MFAP2: variants seen among roughly 807,000 people sequenced by gnomAD.
The protein encoded by MFAP2 is microfibrillar-associated protein 2.
In MFAP2, 23 loss-of-function variants were observed where a neutral mutation model predicts 30.6. The ratio of observed to expected loss-of-function variants is 0.75; its 90% confidence interval spans 0.54 to 1.07. The LOEUF (loss-of-function observed/expected upper bound fraction) is 1.07, where lower values mean the gene tolerates loss of function less well. Among genes scored for constraint, MFAP2 ranks in the 50% least tolerant of loss-of-function variants. The pLI is 0.00. For missense variants in MFAP2, 198 were observed against 223.8 expected, an observed-to-expected ratio of 0.88 and a Z score of 0.74; for synonymous variants, 73 against 85.7, an observed-to-expected ratio of 0.85 and a Z score of 0.82.
chr1:16,975,536 T>G lies in MFAP2; in HGVS notation c.374+107A>C. On this transcript the variant is annotated intron_variant, in intron 7 of 8. Transcript: ENST00000375535. This position sits in a 1 kb window ranked among gnomAD's most constrained non-coding sequence, Gnocchi z 5.0. ...ACAGAACTGAGCTCAACTTAAGGAC[T>G]CACTATCTTTCCTCCAACTCCCACC... 1 of 1,290,674 alleles carries G rather than the reference T, an allele frequency of 7.7e-7. No individual in the cohort carries two copies. The highest frequency in any genetic ancestry group is 1.1e-6 in the Non-Finnish European group (1 of 903,722). 80.0% of individuals were successfully genotyped at this position (1,290,674 alleles called of 1,614,324 possible). A position where few individuals can be genotyped will look rare whatever the true frequency, so the allele number is the denominator to read the frequency against.
chr1:16,979,756 T>C (rs1390323452), intron 1 of MFAP2, among the ~76,000 whole-genome samples: 1 of 152,190 alleles, frequency 6.6e-6, no homozygotes, highest in Non-Finnish European at 1.5e-5. Context: ...GGGGGATGCC[T>C]GTCGGTACCC....
chr1:16,977,156 G>A lies in MFAP2; in HGVS notation c.80C>T (p.Pro27Leu), dbSNP rs200285694. 78 of 1,613,438 alleles carry A rather than the reference G, an allele frequency of 4.8e-5. No homozygotes were observed. Among genetic ancestry groups the A allele is most frequent in the Non-Finnish European group, 5.8e-5 (69 of 1,179,934 alleles). Residue 27 changes from proline (P) to leucine (L), a missense_variant, in exon 3 of 9, where the codon CCG becomes CTG. Pro to Leu is a moderately conservative substitution (Grantham distance 98). Coordinates refer to ENST00000375535, the MANE Select transcript of MFAP2 (RefSeq NM_002403.4). ...AQGQYDLDPL[P>L]PFPDHVQYTH... ...GTACTGGACGTGGTCAGGGAACGGC[G>A]GCAGCGGGTCCAGGTCATACTGGCC...
intron 1 of MFAP2, among the ~76,000 whole-genome samples, chr1:16,979,882 C>T (rs537489746): frequency 5.3e-5 from 8 of 152,188 alleles, no homozygotes; most frequent in Non-Finnish European, 1.0e-4. Flanking sequence ...AGTTCATGAA[C>T]TCCTCCCACG....
intron 1 of MFAP2, among the ~76,000 whole-genome samples, chr1:16,979,719 T>C (rs370735451): frequency 4.5e-4 from 68 of 152,318 alleles, no homozygotes; most frequent in African/African-American, 1.3e-3. Flanking sequence ...AGGCGCTGAA[T>C]TGGGGCAAGA....
At chr1:16,978,373 A>C in intron 1 of MFAP2, 59 bp from the exon 2 acceptor site, 10 of 1,377,922 alleles carry the variant, frequency 7.3e-6, no homozygotes, top group African/African-American at 1.4e-5. Flanking sequence ...AGCAGAGCTC[A>C]CCTTTGATCC....
intron 1 of MFAP2, among the ~76,000 whole-genome samples, chr1:16,980,032 C>CT (rs1273058804): frequency 6.6e-6 from 1 of 151,986 alleles, no homozygotes; most frequent in Non-Finnish European, 1.5e-5. Flanking sequence ...CCCCTGCGTC[C>CT]TGGGAGGTGG....
chr1:16,974,980 G>A lies in MFAP2; in HGVS notation c.492C>T (p.Ala164=), dbSNP rs1294790674. The change falls in exon 9 of 9, where the codon GCC becomes GCT. Residue 164 remains alanine (A), a synonymous_variant. Transcript: ENST00000375535. The stretch of plus-strand genomic sequence containing the variant: ...CCACGGATTGGCACAGGCCGCTGCT[G>A]GCCATCACGCCACATTTGGAGAACT... ...RDKFSKCGVM[A]SSGLCQSVAA... 2 of 1,064,348 alleles carry A rather than the reference G, an allele frequency of 1.9e-6. No homozygotes were observed. The highest frequency in any genetic ancestry group is 2.6e-5 in the East Asian group (1 of 38,344). The allele number at this position is 1,064,348 out of a possible 1,614,324, so 65.9% of individuals were successfully genotyped here.
intron 1 of MFAP2, chr1:16,978,992 T>C (rs1000159405): frequency 5.9e-5 from 9 of 152,192 alleles, no homozygotes; most frequent in African/African-American, 2.2e-4. Flanking sequence ...CCCGGGCTAT[T>C]TGCAGCAGCA....
Position 16,975,334 on chromosome 1 carries a change from C to A in MFAP2, c.383G>T (p.Arg128Leu). 1 of 1,613,836 alleles carries A rather than the reference C, an allele frequency of 6.2e-7. No individual in the cohort carries two copies. Among genetic ancestry groups the A allele is most frequent in the Non-Finnish European group, 8.5e-7 (1 of 1,179,858 alleles). ...GATCTCCTTGTTAATGACGTACACACGGCGGAGGCTGCGGGGACAGGGCAC... is the reference window on the plus strand; with the variant it reads ...GATCTCCTTGTTAATGACGTACACAAGGCGGAGGCTGCGGGGACAGGGCAC... The part of the protein sequence containing the change: ...LNEVCFYSLR[R>L]VYVINKEICV... The change falls in exon 8 of 9, where the codon CGT (arginine) becomes CTT (leucine). Residue 128 changes from arginine (R) to leucine (L), a missense_variant. By Grantham distance (102) the Arg-to-Leu change is moderately radical. Coordinates refer to ENST00000375535, the MANE Select transcript of MFAP2 (RefSeq NM_002403.4). This position sits in a 1 kb window ranked among gnomAD's most constrained non-coding sequence, Gnocchi z 5.0.
intron 1 of MFAP2, among the ~76,000 whole-genome samples, chr1:16,979,892 G>T (rs1424344588): frequency 6.6e-6 from 1 of 152,178 alleles, no homozygotes; most frequent in Non-Finnish European, 1.5e-5. Flanking sequence ...CTCCTCCCAC[G>T]GGACCACATC....
At chr1:16,979,630 G>A (rs1038530801) in intron 1 of MFAP2, among the ~76,000 whole-genome samples, 2 of 152,200 alleles carry the variant, frequency 1.3e-5, no homozygotes, top group Non-Finnish European at 2.9e-5. Context: ...TCATGGGAGG[G>A]GGATGAAAAG....
In MFAP2 at chr1:16,976,247, C is replaced by G; in HGVS notation, c.286+254G>C. The G allele has an allele frequency of 1.7e-6, 1 of 595,316 alleles. No individual in the cohort carries two copies. The highest frequency in any genetic ancestry group is 2.8e-5 in the East Asian group (1 of 35,758). 36.9% of individuals were successfully genotyped at this position (595,316 alleles called of 1,614,324 possible). A position where few individuals can be genotyped will look rare whatever the true frequency, so the allele number is the denominator to read the frequency against. On this transcript the variant is annotated intron_variant, in intron 6 of 8. Transcript: ENST00000375535. This position sits in a 1 kb window ranked among gnomAD's most constrained non-coding sequence, Gnocchi z 5.5. ...AGCCCCCAGCACACTCCCTGCCCCT[C>G]CCAGTATCTGTGAGGTCAGGGGCCT... is the stretch of plus-strand genomic sequence containing the variant.
chr1:16,976,884 C>A lies in MFAP2; in HGVS notation c.154+13G>T, dbSNP rs765136428. ...AGCTGCCGGCCCGTCCTATCCTACCCCTAGCCCGTTACCTTGATAATCATA... is the reference window on the plus strand; with the variant it reads ...AGCTGCCGGCCCGTCCTATCCTACCACTAGCCCGTTACCTTGATAATCATA... On this transcript the variant is annotated intron_variant, in intron 4 of 8. Transcript: ENST00000375535. The surrounding 1 kb of genome is among the most constrained non-coding windows in gnomAD (Gnocchi z 5.5). The A allele has an allele frequency of 3.0e-5, 48 of 1,614,142 alleles. 1 individual carries two copies. In the South Asian group the frequency reaches 4.4e-4, roughly 15 times the overall value.
rs556527320 is a variant in MFAP2, at chr1:16,975,825, G to A, written c.287-95C>T. The A allele has an allele frequency of 1.5e-4, 154 of 1,012,116 alleles. No homozygotes were observed. In the African/African-American group the frequency reaches 2.3e-3, roughly 15 times the overall value. The allele number at this position is 1,012,116 out of a possible 1,614,324, so 62.7% of individuals were successfully genotyped here. On this transcript the variant is annotated intron_variant, in intron 6 of 8. Coordinates refer to ENST00000375535, the MANE Select transcript of MFAP2 (RefSeq NM_002403.4). The surrounding 1 kb of genome is among the most constrained non-coding windows in gnomAD (Gnocchi z 5.0). ...TGGCTCACAGGGCCTAGTCCCCCCT[G>A]TACCTTCAGGCCCCGTGCAGACACC...
chr1:16,978,289 G>A lies in MFAP2; in HGVS notation c.-16C>T. The stretch of plus-strand genomic sequence containing the variant: ...CAGCTCTCATGGCAACAAAGAGGCA[G>A]GCCGGGGTGGTGTCAGAGAGGACAG... On this transcript the variant is annotated 5_prime_UTR_variant, in exon 2 of 9. Coordinates refer to ENST00000375535, the MANE Select transcript of MFAP2 (RefSeq NM_002403.4). The A allele has an allele frequency of 6.4e-7, 1 of 1,572,698 alleles. No individual in the cohort carries two copies. The highest frequency in any genetic ancestry group is 1.9e-5 in the Admixed American group (1 of 52,642).
At position 16,977,249 on chromosome 1, in the gene MFAP2, G is replaced by A. The variant is rs747747129; in HGVS notation, c.38-51C>T. 11 of 1,576,000 alleles carry A rather than the reference G, an allele frequency of 7.0e-6. No homozygotes were observed. The African/African-American group carries it at 1.1e-4, about 15-fold the overall frequency. ...TACCCCATCGGGAGGGGCAACGGGGGCCCGAGGCGCTTCTGGAGAGTGGAG... is the reference window on the plus strand; with the variant it reads ...TACCCCATCGGGAGGGGCAACGGGGACCCGAGGCGCTTCTGGAGAGTGGAG... On this transcript the variant is annotated intron_variant, in intron 2 of 8. Coordinates refer to ENST00000375535, the MANE Select transcript of MFAP2 (RefSeq NM_002403.4).
At chr1:16,980,022 C>G (rs1235157955) in intron 1 of MFAP2, among the ~76,000 whole-genome samples, 3 of 152,162 alleles carry the variant, frequency 2.0e-5, no homozygotes, top group South Asian at 4.1e-4. Context: ...ACCCCCGACT[C>G]CCCTGCGTCC....
At position 16,976,741 on chromosome 1, in the gene MFAP2, C is replaced by G. The variant is rs1380792047; in HGVS notation, c.208G>C (p.Val70Leu). The change falls in exon 5 of 9, where the codon GTC becomes CTC. Residue 70 changes from valine to leucine, a missense_variant. Coordinates refer to ENST00000375535, the MANE Select transcript of MFAP2 (RefSeq NM_002403.4). The surrounding 1 kb of genome is among the most constrained non-coding windows in gnomAD (Gnocchi z 5.5). The part of the protein sequence containing the change: ...EQFQFQSQQQ[V>L]QQEVIPAPTP... Reference sequence around the variant, plus strand: ...GGGGCTGGGATGACTTCCTGTTGGACTTGCTGCTGGGACTGGAACTGGAAC... The same window carrying G: ...GGGGCTGGGATGACTTCCTGTTGGAGTTGCTGCTGGGACTGGAACTGGAAC... 1 of 1,613,756 alleles carries G rather than the reference C, an allele frequency of 6.2e-7. No homozygotes were observed. The highest frequency in any genetic ancestry group is 1.3e-5 in the African/African-American group (1 of 74,904).
Position 16,976,837 on chromosome 1 carries a change from T to A in MFAP2, c.155-43A>T, listed in dbSNP as rs769150537. ...TAAGGGGGTCTGCTCCCTCTACCCC[T>A]CCCAGGGGGTCTCCCCACCCCAGCT... On this transcript the variant is annotated intron_variant, in intron 4 of 8. Transcript: ENST00000375535. The surrounding 1 kb of genome is among the most constrained non-coding windows in gnomAD (Gnocchi z 5.5). 1 of 1,613,940 alleles carries A rather than the reference T, an allele frequency of 6.2e-7. No individual in the cohort carries two copies. Among genetic ancestry groups the A allele is most frequent in the Non-Finnish European group, 8.5e-7 (1 of 1,179,926 alleles).
Sources: allele counts gnomAD v4.1 joint callset (sites outside exome capture counted in the v4.1 genomes callset), GRCh38; gene constraint gnomAD v4.1.1; non-coding constraint Gnocchi (gnomAD v3.1); transcripts MANE v1.5; gene names NCBI Gene and HGNC (gene_info 2026-07-23, HGNC 2026-07-21).